ABCC11: variants seen among roughly 807,000 people sequenced by gnomAD.
The protein encoded by ABCC11 is ATP-binding cassette sub-family C member 11.
A neutral mutation model predicts 149.3 loss-of-function variants in ABCC11; 135 were observed. The observed-to-expected ratio is 0.90, with a 90% CI of 0.79 to 1.04. ABCC11 has a LOEUF of 1.04. Ranked by LOEUF, ABCC11 falls within the 50% of genes least tolerant of loss-of-function variation. The pLI is 0.00. For missense variants in ABCC11, 1,680 were observed against 1,722.1 expected, an observed-to-expected ratio of 0.98 and a Z score of 0.43; for synonymous variants, 665 against 671.4, an observed-to-expected ratio of 0.99 and a Z score of 0.15.
intron 22 of ABCC11, 77 bp downstream of exon 22, chr16:48,186,876 C>T: frequency 6.4e-7 from 1 of 1,556,998 alleles, no homozygotes; most frequent in Non-Finnish European, 8.7e-7. Flanking sequence ...GATGCCACTC[C>T]CAGACGCTCC....
At chr16:48,203,112 A>T in intron 14 of ABCC11, 116 bp downstream of exon 14, 1 of 1,179,520 alleles carries the variant, frequency 8.5e-7, no homozygotes, top group East Asian at 2.6e-5. Flanking sequence ...CTGCAGGAAA[A>T]ACTCCAACTG....
chr16:48,220,707 G>C (rs763259624), intron 6 of ABCC11, among the ~76,000 whole-genome samples: 2 of 152,154 alleles, frequency 1.3e-5, no homozygotes, highest in Non-Finnish European at 2.9e-5. Flanking sequence ...CCAATAAAAT[G>C]GTGAACAGTA....
chr16:48,246,634 G>C (rs957441726), intron 1 of ABCC11, among the ~76,000 whole-genome samples: 5 of 152,152 alleles, frequency 3.3e-5, no homozygotes, highest in African/African-American at 1.2e-4. Context: ...GCAGTGGCGT[G>C]ATCGTAGCCC....
In ABCC11 at chr16:48,230,491, C is replaced by G; in HGVS notation, c.182G>C (p.Trp61Ser). ...TCTCAAGGCAGCATCATACTTCCCC[C>G]ACGGTGGGACAGCTGCCCTCCCTGG... Reference protein sequence around the residue: ...EAPGRAAVPPWGKYDAALRTM... With the variant: ...EAPGRAAVPPSGKYDAALRTM... Residue 61 changes from tryptophan to serine, a missense_variant, in exon 3 of 30, where the codon TGG becomes TCG. Trp to Ser is a radical substitution (Grantham distance 177). Coordinates refer to ENST00000356608, the MANE Select transcript of ABCC11 (RefSeq NM_001370497.1). 8.1e-6 allele frequency: 13 copies of G among 1,612,620 alleles called. No homozygotes were observed. Among genetic ancestry groups the G allele is most frequent in the Non-Finnish European group, 1.1e-5 (13 of 1,179,324 alleles).
At chr16:48,242,373 A>G (rs7186129) in intron 1 of ABCC11, among the ~76,000 whole-genome samples, 28,914 of 151,844 alleles carry the variant, frequency 0.19, 3,101 homozygotes, top group African/African-American at 0.29. Flanking sequence ...TTAGAATGGC[A>G]ATCATTAAAA....
At chr16:48,233,634 G>A (rs914198732) in intron 1 of ABCC11, among the ~76,000 whole-genome samples, 2 of 152,182 alleles carry the variant, frequency 1.3e-5, no homozygotes, top group Admixed American at 6.5e-5. Context: ...TGTGGATGGG[G>A]CCACGGTATA....
intron 1 of ABCC11, among the ~76,000 whole-genome samples, chr16:48,246,768 T>A (rs932832816): frequency 6.6e-6 from 1 of 152,050 alleles, no homozygotes; most frequent in African/African-American, 2.4e-5. Context: ...AGAAATGGGG[T>A]CTCACTATGT....
At chr16:48,244,662 CCTCCTCCGGGGA>C in intron 1 of ABCC11, 1 of 1,298,948 alleles carries the variant, frequency 7.7e-7, no homozygotes, top group Non-Finnish European at 9.9e-7. Context: ...GGCGGCGCGG[CCTCCTCCGGGGA>C]CCTGGGCCCA....
At chr16:48,220,511 T>C (rs1969663532) in intron 6 of ABCC11, among the ~76,000 whole-genome samples, 2 of 152,290 alleles carry the variant, frequency 1.3e-5, no homozygotes, top group South Asian at 2.1e-4. Context: ...AGGAGGACAG[T>C]GGAGCTCAAG....
intron 1 of ABCC11, among the ~76,000 whole-genome samples, chr16:48,232,957 T>G (rs917233791): frequency 2.0e-5 from 3 of 152,158 alleles, no homozygotes; most frequent in Admixed American, 6.5e-5. Flanking sequence ...TCTAGCACTT[T>G]GGGAGGCTGA....
intron 20 of ABCC11, among the ~76,000 whole-genome samples, chr16:48,191,240 G>T (rs1966897148): frequency 6.6e-6 from 1 of 152,122 alleles, no homozygotes; most frequent in African/African-American, 2.4e-5. Flanking sequence ...AAGATGTTAA[G>T]AATAAGAGAA....
At chr16:48,230,643 C>G in intron 2 of ABCC11, 70 bp from the exon 3 acceptor site, 3 of 1,401,826 alleles carry the variant, frequency 2.1e-6, no homozygotes, top group Non-Finnish European at 2.8e-6. Flanking sequence ...AATGTTGGAC[C>G]AGCTGCCCAT....
At chr16:48,165,361 A>G (rs994633794), downstream of ABCC11, among the ~76,000 whole-genome samples, 7 of 152,246 alleles carry the variant, frequency 4.6e-5, no homozygotes, top group African/African-American at 1.7e-4. Context: ...AGGTGCCACT[A>G]GAGAGTCCCA....
intron 1 of ABCC11, among the ~76,000 whole-genome samples, chr16:48,238,934 T>C (rs1158320592): frequency 2.5e-5 from 1 of 40,576 alleles, no homozygotes; most frequent in Non-Finnish European, 4.3e-5. Context: ...AGACTCTGTC[T>C]AAAAAAAAAA....
In ABCC11 at chr16:48,170,177, T is replaced by C; in HGVS notation, c.3819A>G (p.Glu1273=). The change falls in exon 28 of 30, where the codon GAA becomes GAG. Residue 1273 remains glutamate (E), a synonymous_variant. Coordinates refer to ENST00000356608, the MANE Select transcript of ABCC11 (RefSeq NM_001370497.1). Reference sequence around the variant, plus strand: ...CCCCCACAGAGAAGTTTCCACCGTTTTCCACCACATCTGTATGCAGCTTTT... The same window carrying C: ...CCCCCACAGAGAAGTTTCCACCGTTCTCCACCACATCTGTATGCAGCTTTT... ...FPKKLHTDVV[E]NGGNFSVGER... 1.9e-6 allele frequency: 3 copies of C among 1,614,156 alleles called. No homozygotes were observed. The highest frequency in any genetic ancestry group is 2.5e-6 in the Non-Finnish European group (3 of 1,179,996).
chr16:48,193,835 C>CT (rs1467878967), intron 19 of ABCC11, 44 bp downstream of exon 19: 12 of 1,524,336 alleles, frequency 7.9e-6, no homozygotes, highest in African/African-American at 1.4e-5. Context: ...CCCCACCTCA[C>CT]TCAAGCCCAT....
chr16:48,167,154 C>A lies in ABCC11; in HGVS notation c.*120G>T. 3.3e-6 allele frequency: 2 copies of A among 605,548 alleles called. No individual in the cohort carries two copies. The highest frequency in any genetic ancestry group is 4.5e-5 in the Admixed American group (2 of 44,730). The allele number at this position is 605,548 out of a possible 1,614,324, so 37.5% of individuals were successfully genotyped here. ...AATCCCCACCCCCCCTACATTTACC[C>A]CTGCTTCCAGGAGAAGTTCTCATCT... is the stretch of plus-strand genomic sequence containing the variant. On this transcript the variant is annotated 3_prime_UTR_variant, in exon 30 of 30. Coordinates refer to ENST00000356608, the MANE Select transcript of ABCC11 (RefSeq NM_001370497.1).
At position 48,230,431 on chromosome 16, in the gene ABCC11, ACT is replaced by A; in HGVS notation, c.236+4_236+5del. On this transcript the variant is annotated splice_donor_5th_base_variant and intron_variant, in intron 3 of 29. Transcript: ENST00000356608. ...GCTCTCTCCCACCACCCCCATCAGG[ACT>A]CACCTCGGCTTGGGACGGAAGGGAA... The A allele has an allele frequency of 6.3e-7, 1 of 1,599,970 alleles. No individual in the cohort carries two copies. Among genetic ancestry groups the A allele is most frequent in the African/African-American group, 1.3e-5 (1 of 74,500 alleles).
At position 48,184,467 on chromosome 16, in the gene ABCC11, T is replaced by A; in HGVS notation, c.3231A>T (p.Lys1077Asn). Residue 1077 changes from lysine (K) to asparagine (N), a missense_variant, in exon 23 of 30, where the codon AAA (lysine) becomes AAT (asparagine). Physicochemically the swap from Lys to Asn is moderately conservative, Grantham distance 94. Coordinates refer to ENST00000356608, the MANE Select transcript of ABCC11 (RefSeq NM_001370497.1). ...FGISSTPYSF[K>N]VMAVNIVLQL... ...GCAGCACGATGTTGACAGCCATGAC[T>A]TTAAAGGAGTAGGGGGTGGAGGAAA... The A allele has an allele frequency of 1.9e-6, 3 of 1,614,140 alleles. No homozygotes were observed. The highest frequency in any genetic ancestry group is 2.5e-6 in the Non-Finnish European group (3 of 1,180,016).
Sources: gnomAD v4.1 joint callset for allele counts (sites outside exome capture counted in the v4.1 genomes callset) on GRCh38, gnomAD v4.1.1 for gene constraint, MANE v1.5 for transcripts, NCBI Gene and HGNC (gene_info 2026-07-23, HGNC 2026-07-21) for gene names.